Variants in THAP10 observed in about 807,000 individuals in gnomAD.
THAP10 encodes the protein THAP domain-containing protein 10.
THAP10 carries 10 observed loss-of-function variants against 15.7 expected under a neutral mutation model. The observed-to-expected ratio is 0.64, with a 90% CI of 0.39 to 1.08. The LOEUF (loss-of-function observed/expected upper bound fraction) is 1.08, where lower values mean the gene tolerates loss of function less well. Among genes scored for constraint, THAP10 ranks in the 50% least tolerant of loss-of-function variants. The pLI, the probability that THAP10 is intolerant of heterozygous loss-of-function variation, is 0.01. For missense variants in THAP10, 310 were observed against 330.9 expected (o/e 0.94, Z 0.49); for synonymous variants, 127 against 129.1 (o/e 0.98, Z 0.11).
intron 1 of THAP10, among the ~76,000 whole-genome samples, chr15:70,888,305 CT>C (rs1326267328): frequency 6.6e-6 from 1 of 152,122 alleles, no homozygotes; most frequent in African/African-American, 2.4e-5. Flanking sequence ...CACTGTGATA[CT>C]TTTGCTTAGG....
chr15:70,890,913 T>C lies in THAP10; in HGVS notation c.429+931A>G, dbSNP rs182784094. Among the ~76,000 whole-genome samples, 7 of 152,250 alleles carry C rather than the reference T, an allele frequency of 4.6e-5. No homozygotes were observed. In the East Asian group the frequency reaches 1.4e-3, roughly 29 times the overall value. ...GTGTGGTATGCAGGGGGAAAAAACA[T>C]GCAGGGCCATGTAAATTGGGTTAAT... On this transcript the variant is annotated intron_variant, in intron 1 of 2. Coordinates refer to ENST00000249861, the MANE Select transcript of THAP10 (RefSeq NM_020147.4).
At chr15:70,887,714 G>C (rs75937901) in intron 1 of THAP10, among the ~76,000 whole-genome samples, 1 of 152,108 alleles carries the variant, frequency 6.6e-6, no homozygotes, top group African/African-American at 2.4e-5. Flanking sequence ...CACCTCTTCT[G>C]TTCCCACACT....
intron 1 of THAP10, among the ~76,000 whole-genome samples, chr15:70,883,476 G>A (rs2033321434): frequency 6.6e-6 from 1 of 152,026 alleles, no homozygotes; most frequent in Non-Finnish European, 1.5e-5. Flanking sequence ...TTACAGGCGT[G>A]AGGCACCTCG....
At chr15:70,885,055 A>G (rs569411496) in intron 1 of THAP10, among the ~76,000 whole-genome samples, 1 of 152,302 alleles carries the variant, frequency 6.6e-6, no homozygotes, top group East Asian at 1.9e-4. Flanking sequence ...GATATACTAC[A>G]ATTTATTAAA....
chr15:70,884,937 A>G (rs570464343), intron 1 of THAP10, among the ~76,000 whole-genome samples: 7 of 152,300 alleles, frequency 4.6e-5, no homozygotes, highest in African/African-American at 1.7e-4. Context: ...TTAAAAACTG[A>G]GATAATATAA....
intron 1 of THAP10, among the ~76,000 whole-genome samples, chr15:70,889,804 C>T (rs959794228): frequency 2.0e-5 from 3 of 152,084 alleles, no homozygotes; most frequent in African/African-American, 7.2e-5. Flanking sequence ...GATTTTTAGA[C>T]AGTTAGTCCT....
rs144217156 is a variant in THAP10 at position 70,882,769 on chromosome 15, C to T, written c.569G>A (p.Arg190His). The T allele has an allele frequency of 2.6e-5, 42 of 1,614,112 alleles. No individual in the cohort carries two copies. Among genetic ancestry groups the T allele is most frequent in the South Asian group, 2.0e-4 (18 of 91,070 alleles). Residue 190 changes from arginine to histidine, a missense_variant, in exon 2 of 3, where the codon CGT becomes CAT. Transcript: ENST00000249861. ...GAAGAGTCAAAACATACCCACACTACGGTGACGGGGCCTTTTCAAAGAAAT... is the reference window on the plus strand; with the variant it reads ...GAAGAGTCAAAACATACCCACACTATGGTGACGGGGCCTTTTCAAAGAAAT... Reference protein sequence around the residue: ...TQISLKRPRHRSVGIQAKVKA... With the variant: ...TQISLKRPRHHSVGIQAKVKA...
In THAP10 at chr15:70,882,656, A is replaced by T; in HGVS notation, c.578-6T>A. On this transcript the variant is annotated splice_region_variant and splice_polypyrimidine_tract_variant and intron_variant, in intron 2 of 2. Transcript: ENST00000249861. ...TTTCACTTTGGCTTGAATACCTGAAAGAGAATAAGCATAAGTACCTATGAG... is the reference window on the plus strand; with the variant it reads ...TTTCACTTTGGCTTGAATACCTGAATGAGAATAAGCATAAGTACCTATGAG... 1 of 1,613,476 alleles carries T rather than the reference A, an allele frequency of 6.2e-7. No individual in the cohort carries two copies. The highest frequency in any genetic ancestry group is 1.3e-5 in the African/African-American group (1 of 75,026).
In THAP10 at chr15:70,882,603, T is replaced by A. The variant is rs375612486; in HGVS notation, c.625A>T (p.Thr209Ser). 2 of 1,614,106 alleles carry A rather than the reference T, an allele frequency of 1.2e-6. No homozygotes were observed. The highest frequency in any genetic ancestry group is 4.5e-5 in the East Asian group (2 of 44,862). Residue 209 changes from threonine (T) to serine (S), a missense_variant, in exon 3 of 3, where the codon ACT (threonine) becomes TCT (serine). By Grantham distance (58) the Thr-to-Ser change is moderately conservative (BLOSUM62 1). Coordinates refer to ENST00000249861, the MANE Select transcript of THAP10 (RefSeq NM_020147.4). ...KAFGKRLCNATTQTEELWSRT... is the reference protein window; with the variant it reads ...KAFGKRLCNASTQTEELWSRT... ...GACCACAATTCCTCTGTCTGAGTAGTTGCATTACACAGTCTTTTTCCAAAC... is the reference window on the plus strand; with the variant it reads ...GACCACAATTCCTCTGTCTGAGTAGATGCATTACACAGTCTTTTTCCAAAC...
intron 1 of THAP10, among the ~76,000 whole-genome samples, chr15:70,886,885 G>A (rs576548120): frequency 6.6e-6 from 1 of 151,426 alleles, no homozygotes; most frequent in African/African-American, 2.4e-5. Flanking sequence ...AAAAAAAATC[G>A]ATAAACCATC....
At position 70,882,560 on chromosome 15, in the gene THAP10, A is replaced by G. The variant is rs138467583; in HGVS notation, c.668T>C (p.Phe223Ser). Residue 223 changes from phenylalanine (F) to serine (S), a missense_variant, in exon 3 of 3, where the codon TTT (phenylalanine) becomes TCT (serine). Phe to Ser is a radical substitution (Grantham distance 155). Transcript: ENST00000249861. ...TTCTGAATCACTGGAGTAAATGTCA[A>G]AGAGAGAGGAAGTTCTAGACCACAA... is the stretch of plus-strand genomic sequence containing the variant. Reference protein sequence around the residue: ...EELWSRTSSLFDIYSSDSETD... With the variant: ...EELWSRTSSLSDIYSSDSETD... 32 of 1,613,808 alleles carry G rather than the reference A, an allele frequency of 2.0e-5. No homozygotes were observed. Among genetic ancestry groups the G allele is most frequent in the African/African-American group, 2.7e-5 (2 of 74,920 alleles).
At chr15:70,885,297 G>A (rs1020316437) in intron 1 of THAP10, among the ~76,000 whole-genome samples, 1 of 152,078 alleles carries the variant, frequency 6.6e-6, no homozygotes, top group African/African-American at 2.4e-5. Context: ...ACATAAAATG[G>A]GGCAGACGCA....
chr15:70,884,552 AAAAG>A (rs1454405113), intron 1 of THAP10, among the ~76,000 whole-genome samples: 2 of 152,152 alleles, frequency 1.3e-5, no homozygotes, highest in Non-Finnish European at 2.9e-5. Flanking sequence ...AGAAAAAAAA[AAAAG>A]AAAGAAACTT....
rs2033286909 is a variant in THAP10 at position 70,882,468 on chromosome 15, C to T, written c.760G>A (p.Glu254Lys). The T allele has an allele frequency of 6.2e-7, 1 of 1,610,512 alleles. No individual in the cohort carries two copies. Among genetic ancestry groups the T allele is most frequent in the Admixed American group, 1.7e-5 (1 of 59,684 alleles). Residue 254 changes from glutamate to lysine, a missense_variant, in exon 3 of 3, where the codon GAA becomes AAA. Physicochemically the swap from Glu to Lys is moderately conservative, Grantham distance 56. Transcript: ENST00000249861. ...DLSYMAVQVK[E>K]ETC ...ATGTTGAGTTTTTAACATGTTTCTTCTTTCACCTGTACAGCCATATAAGAC... is the reference window on the plus strand; with the variant it reads ...ATGTTGAGTTTTTAACATGTTTCTTTTTTCACCTGTACAGCCATATAAGAC...
intron 1 of THAP10, among the ~76,000 whole-genome samples, chr15:70,884,359 C>A (rs1236340364): frequency 1.3e-5 from 2 of 151,952 alleles, no homozygotes; most frequent in Non-Finnish European, 2.9e-5. Flanking sequence ...ATCGTGAAAC[C>A]CCACCTCTAC....
At chr15:70,889,050 G>A (rs2033483014) in intron 1 of THAP10, among the ~76,000 whole-genome samples, 1 of 152,138 alleles carries the variant, frequency 6.6e-6, no homozygotes, top group African/African-American at 2.4e-5. Context: ...ATTATCTACT[G>A]AAGTTTAATG....
intron 1 of THAP10, among the ~76,000 whole-genome samples, chr15:70,888,847 A>G (rs1293500855): frequency 6.6e-6 from 1 of 152,208 alleles, no homozygotes; most frequent in East Asian, 1.9e-4. Context: ...TTAATATTTG[A>G]AAAGGTGTTT....
chr15:70,884,919 G>T (rs965489972), intron 1 of THAP10, among the ~76,000 whole-genome samples: 1 of 151,982 alleles, frequency 6.6e-6, no homozygotes, highest in African/African-American at 2.4e-5. Context: ...GTCTTTTTAT[G>T]TGTATTTTTA....
chr15:70,892,030 C>A lies in THAP10; in HGVS notation c.243G>T (p.Leu81=). The part of the protein sequence containing the change: ...KNLRFSQRLR[L]VAGAVPTLHR... ...GCAGGGTGGGCACGGCGCCTGCCAC[C>A]AGCCTCAGGCGCTGGGAGAAGCGCA... is the stretch of plus-strand genomic sequence containing the variant. The change falls in exon 1 of 3, where the codon CTG becomes CTT. Residue 81 remains leucine (L), a synonymous_variant. Transcript: ENST00000249861. 6.2e-7 allele frequency: 1 copy of A among 1,613,260 alleles called. No homozygotes were observed. The highest frequency in any genetic ancestry group is 8.5e-7 in the Non-Finnish European group (1 of 1,179,658).
Sources: allele counts gnomAD v4.1 joint callset (sites outside exome capture counted in the v4.1 genomes callset), GRCh38; gene constraint gnomAD v4.1.1; transcripts MANE v1.5; gene names NCBI Gene and HGNC (gene_info 2026-07-23, HGNC 2026-07-21).